Variants in IHO1 observed in about 807,000 individuals in gnomAD.
The protein encoded by IHO1 is interactor of HORMAD1 protein 1.
Under a neutral mutation model 31.0 loss-of-function variants are expected in IHO1, and 13 were observed. The observed-to-expected ratio is 0.42, with a 90% confidence interval of 0.27 to 0.67. The LOEUF (loss-of-function observed/expected upper bound fraction) is 0.67. IHO1 is among the 30% of genes least tolerant of loss of function. IHO1 has a pLI of 0.24. For synonymous variants in IHO1, 221 were observed against 248.4 expected, an observed-to-expected ratio of 0.89 and a Z score of 1.04; for missense variants, 599 against 687.5, an observed-to-expected ratio of 0.87 and a Z score of 1.44.
At chr3:49,251,148 T>G (rs187705341) in intron 6 of IHO1, among the ~76,000 whole-genome samples, 1 of 151,670 alleles carries the variant, frequency 6.6e-6, no homozygotes, top group Non-Finnish European at 1.5e-5. Flanking sequence ...TGAGACAGAG[T>G]CTCTCTCTGT....
chr3:49,252,175 G>C (rs750718490), intron 6 of IHO1: 1 of 155,196 alleles, frequency 6.4e-6, no homozygotes, highest in South Asian at 2.1e-4. Flanking sequence ...ACTGCAGGGA[G>C]ACTACAGTAA....
Position 49,257,795 on chromosome 3 carries a change from C to G in IHO1, c.*513C>G, listed in dbSNP as rs928857983. 3 of 155,078 alleles carry G rather than the reference C, an allele frequency of 1.9e-5. No individual in the cohort carries two copies. The highest frequency in any genetic ancestry group is 1.3e-4 in the Admixed American group (2 of 15,718). The allele number at this position is 155,078 out of a possible 1,614,324, so 9.6% of individuals were successfully genotyped here. On this transcript the variant is annotated 3_prime_UTR_variant, in exon 8 of 8. Coordinates refer to ENST00000452691, the MANE Select transcript of IHO1 (RefSeq NM_001135197.2). ...CATTTTTTGATCAGTAGACATATTA[C>G]AGGACACCCTAAATCTTCTTGTGAA...
At chr3:49,244,964 C>G (rs1188464097) in intron 6 of IHO1, 5 of 601,274 alleles carry the variant, frequency 8.3e-6, no homozygotes, top group African/African-American at 7.4e-5. Flanking sequence ...AGGCACTAAT[C>G]CCCCACCTGG....
At chr3:49,200,475 A>AAAAAAGAAAAGAAAGAAAGAAAG in intron 1 of IHO1, 1 of 103,868 alleles carries the variant, frequency 9.6e-6, no homozygotes, top group Admixed American at 2.5e-4. Context: ...AAAAAAAAAA[A>AAAAAAGAAAAGAAAGAAAGAAAG]AAAGAAAGAA....
Position 49,257,250 on chromosome 3 carries a change from G to A in IHO1, c.1753G>A (p.Gly585Ser), listed in dbSNP as rs201956936. The A allele has an allele frequency of 6.1e-5, 98 of 1,613,976 alleles. No individual in the cohort carries two copies. Among genetic ancestry groups the A allele is most frequent in the South Asian group, 5.5e-5 (5 of 91,076 alleles). The change falls in exon 8 of 8, where the codon GGT (glycine) becomes AGT (serine). Residue 585 changes from glycine (G) to serine (S), a missense_variant. By Grantham distance (56) the Gly-to-Ser change is moderately conservative (BLOSUM62 0). Transcript: ENST00000452691. Reference sequence around the variant, plus strand: ...AGGAAAGAATTTGCTCTATGACCTGGGTTTTGATAGCAGTGATGATGATGG... The same window carrying A: ...AGGAAAGAATTTGCTCTATGACCTGAGTTTTGATAGCAGTGATGATGATGG... Reference protein sequence around the residue: ...EAGKNLLYDLGFDSSDDDGF With the variant: ...EAGKNLLYDLSFDSSDDDGF
intron 6 of IHO1, among the ~76,000 whole-genome samples, chr3:49,248,283 G>T (rs1053137604): frequency 6.6e-6 from 1 of 151,912 alleles, no homozygotes; most frequent in Non-Finnish European, 1.5e-5. Context: ...TTAGCTGGGC[G>T]TGGTGGCGGG....
Position 49,256,315 on chromosome 3 carries a change from C to T in IHO1, c.818C>T (p.Thr273Met), listed in dbSNP as rs757884204. ...VPPVKDSASQ[T>M]SPPLAQSLNL... ...CCAGTGAAAGACAGTGCTTCTCAGA[C>T]GTCGCCACCTTTGGCCCAGAGCCTC... Residue 273 changes from threonine to methionine, a missense_variant, in exon 8 of 8, where the codon ACG becomes ATG. By Grantham distance (81) the Thr-to-Met change is moderately conservative. Transcript: ENST00000452691. This position sits in a 1 kb window ranked among gnomAD's most constrained non-coding sequence, Gnocchi z 4.6. 5 of 1,614,132 alleles carry T rather than the reference C, an allele frequency of 3.1e-6. No individual in the cohort carries two copies. Among genetic ancestry groups the T allele is most frequent in the African/African-American group, 1.3e-5 (1 of 75,030 alleles).
intron 6 of IHO1, among the ~76,000 whole-genome samples, chr3:49,249,535 T>C (rs1311886867): frequency 6.6e-6 from 1 of 152,148 alleles, no homozygotes; most frequent in Non-Finnish European, 1.5e-5. Flanking sequence ...CCCAAAGTGC[T>C]GAGATTATAG....
chr3:49,255,514 C>G, intron 7 of IHO1, 21 bp downstream of exon 7: 5 of 1,433,218 alleles, frequency 3.5e-6, no homozygotes, highest in Non-Finnish European at 4.8e-6. Flanking sequence ...ACCCCAACCT[C>G]TTTCTAAGTG....
At position 49,256,421 on chromosome 3, in the gene IHO1, T is replaced by A; in HGVS notation, c.924T>A (p.Pro308=). ...QAQALPAAWN[P]GMGSLQPGEF... ...AGGCCCTCCCTGCTGCATGGAATCC[T>A]GGTATGGGCTCCCTACAGCCTGGAG... The change falls in exon 8 of 8, where the codon CCT becomes CCA. Residue 308 remains proline, a synonymous_variant. Transcript: ENST00000452691. The surrounding 1 kb of genome is among the most constrained non-coding windows in gnomAD (Gnocchi z 4.6). 6.2e-7 allele frequency: 1 copy of A among 1,614,160 alleles called. No homozygotes were observed. Among genetic ancestry groups the A allele is most frequent in the Non-Finnish European group, 8.5e-7 (1 of 1,180,036 alleles).
chr3:49,213,993 C>T (rs1281160710), intron 2 of IHO1: 7 of 413,176 alleles, frequency 1.7e-5, no homozygotes, highest in Non-Finnish European at 3.5e-5. Context: ...TGTCACCTCT[C>T]AGAGGTACCT....
intron 2 of IHO1, among the ~76,000 whole-genome samples, chr3:49,212,752 G>A (rs1485308651): frequency 6.6e-6 from 1 of 152,136 alleles, no homozygotes; most frequent in Non-Finnish European, 1.5e-5. Flanking sequence ...GAGTGAAGCT[G>A]CAGACCTTTG....
At position 49,256,349 on chromosome 3, in the gene IHO1, C is replaced by A. The variant is rs953352514; in HGVS notation, c.852C>A (p.Thr284=). The change falls in exon 8 of 8, where the codon ACC becomes ACA. Residue 284 remains threonine (T), a synonymous_variant. Transcript: ENST00000452691. This position sits in a 1 kb window ranked among gnomAD's most constrained non-coding sequence, Gnocchi z 4.6. ...SPPLAQSLNL[T]RQEKYTSEKP... ...CTTTGGCCCAGAGCCTCAATCTCAC[C>A]AGGCAGGAAAAATACACCTCTGAGA... 6.2e-7 allele frequency: 1 copy of A among 1,614,156 alleles called. No homozygotes were observed. Among genetic ancestry groups the A allele is most frequent in the Non-Finnish European group, 8.5e-7 (1 of 1,180,040 alleles).
rs1428079553 is a variant in IHO1 at position 49,256,239 on chromosome 3, C to G, written c.742C>G (p.Leu248Val). 4.3e-6 allele frequency: 7 copies of G among 1,614,174 alleles called. No individual in the cohort carries two copies. The highest frequency in any genetic ancestry group is 5.1e-6 in the Non-Finnish European group (6 of 1,180,030). Residue 248 changes from leucine to valine, a missense_variant, in exon 8 of 8, where the codon CTG (leucine) becomes GTG (valine). Transcript: ENST00000452691. The surrounding 1 kb of genome is among the most constrained non-coding windows in gnomAD (Gnocchi z 4.6). ...FQQLCEQLGQ[L>V]NVPSVLAELK... ...GCAGCTGTGTGAGCAGCTAGGCCAG[C>G]TGAATGTGCCCAGTGTCCTAGCAGA...
intron 2 of IHO1, among the ~76,000 whole-genome samples, chr3:49,233,074 T>C (rs949878782): frequency 6.6e-6 from 1 of 152,204 alleles, no homozygotes. Flanking sequence ...GCACAGGTGC[T>C]GCGTAACGAT....
chr3:49,208,381 G>C (rs2046167594), intron 1 of IHO1, among the ~76,000 whole-genome samples: 1 of 152,194 alleles, frequency 6.6e-6, no homozygotes, highest in Admixed American at 6.5e-5. Flanking sequence ...ATTCTCATAG[G>C]AGTGTGCATG....
chr3:49,241,436 A>C, intron 4 of IHO1, 47 bp downstream of exon 4: 1 of 1,515,074 alleles, frequency 6.6e-7, no homozygotes, highest in Non-Finnish European at 9.0e-7. Context: ...TTTTCTGAGT[A>C]AAACAAGACA....
At chr3:49,203,164 G>C (rs1482573944) in intron 1 of IHO1, among the ~76,000 whole-genome samples, 1 of 152,152 alleles carries the variant, frequency 6.6e-6, no homozygotes, top group African/African-American at 2.4e-5. Context: ...ACCACTCCTG[G>C]CCTAGAGGTT....
chr3:49,228,461 A>G (rs1255591520), intron 2 of IHO1: 1 of 349,650 alleles, frequency 2.9e-6, no homozygotes. Flanking sequence ...ATTCTAAGGA[A>G]AAATAGAACA....
Sources: gnomAD v4.1 joint callset for allele counts (sites outside exome capture counted in the v4.1 genomes callset) on GRCh38, gnomAD v4.1.1 for gene constraint, Gnocchi (gnomAD v3.1) non-coding constraint, MANE v1.5 for transcripts, NCBI Gene and HGNC (gene_info 2026-07-23, HGNC 2026-07-21) for gene names.